Variants in AK8 observed in about 807,000 individuals in gnomAD.
AK8 encodes adenylate kinase 8, also known as ATP-AMP transphosphorylase 8.
A neutral mutation model predicts 54.6 loss-of-function variants in AK8; 44 were observed. The ratio of observed to expected loss-of-function variants is 0.81; its 90% CI spans 0.63 to 1.04. The LOEUF (loss-of-function observed/expected upper bound fraction) is 1.04. Ranked by LOEUF, AK8 falls within the 50% of genes least tolerant of loss-of-function variation. AK8 has a pLI of 0.00. For synonymous variants in AK8, 239 were observed against 245.6 expected, an observed-to-expected ratio of 0.97 and a Z score of 0.25; for missense variants, 555 against 613.6, an observed-to-expected ratio of 0.90 and a Z score of 1.01.
chr9:132,793,519 G>A (rs944262791), intron 10 of AK8, among the ~76,000 whole-genome samples: 13 of 152,108 alleles, frequency 8.5e-5, no homozygotes, highest in Non-Finnish European at 1.9e-4. Flanking sequence ...CGCTAGCAAC[G>A]CCCACTCCCC....
intron 5 of AK8, 36 bp downstream of exon 5, chr9:132,854,816 TTTATC>T (rs1564440611): frequency 6.2e-7 from 1 of 1,608,342 alleles, no homozygotes; most frequent in South Asian, 1.1e-5. Flanking sequence ...CACCCTCCCC[TTTATC>T]TTGGCACTGA....
chr9:132,839,584 G>A (rs1280321698), intron 5 of AK8, among the ~76,000 whole-genome samples: 1 of 152,172 alleles, frequency 6.6e-6, no homozygotes, highest in Non-Finnish European at 1.5e-5. Context: ...GCAGGCTCCT[G>A]CTCAGCAGCA....
chr9:132,750,038 C>T (rs1274486010), intron 11 of AK8, among the ~76,000 whole-genome samples: 2 of 147,254 alleles, frequency 1.4e-5, no homozygotes, highest in African/African-American at 5.2e-5. Flanking sequence ...TATTGAGTTT[C>T]TGCCATGTGT....
intron 11 of AK8, among the ~76,000 whole-genome samples, chr9:132,750,006 G>GACAGCACACTCCTA (rs1837833510): frequency 2.8e-5 from 4 of 145,420 alleles, no homozygotes; most frequent in African/African-American, 8.0e-5. Context: ...GCACACTCTT[G>GACAGCACACTCCTA]GAGATACTGA....
chr9:132,848,906 C>CTTTTT (rs577735065), intron 5 of AK8, among the ~76,000 whole-genome samples: 1 of 118,552 alleles, frequency 8.4e-6, no homozygotes, highest in African/African-American at 3.3e-5. Context: ...CTCCTGTTTG[C>CTTTTT]TTTTTTTTTT....
intron 11 of AK8, among the ~76,000 whole-genome samples, chr9:132,783,177 G>T (rs2809249): frequency 0.62 from 94,957 of 151,956 alleles, 30,130 homozygotes; most frequent in East Asian, 0.8. Context: ...CTTTCCCGGC[G>T]CTGGTCTCAG....
chr9:132,874,711 G>A (rs979976008), intron 2 of AK8, among the ~76,000 whole-genome samples: 2 of 152,226 alleles, frequency 1.3e-5, no homozygotes, highest in African/African-American at 4.8e-5. Flanking sequence ...GAGCTTGCCT[G>A]TCTAGGTAGA....
At chr9:132,798,129 C>A (rs1840263898) in intron 10 of AK8, among the ~76,000 whole-genome samples, 1 of 152,224 alleles carries the variant, frequency 6.6e-6, no homozygotes, top group African/African-American at 2.4e-5. Flanking sequence ...ACAGACCCCA[C>A]TGGGTGCTGC....
At chr9:132,802,542 G>A (rs984995554) in intron 10 of AK8, among the ~76,000 whole-genome samples, 1 of 152,186 alleles carries the variant, frequency 6.6e-6, no homozygotes, top group Non-Finnish European at 1.5e-5. Flanking sequence ...GAAGGCAGGT[G>A]AAGCCAGCCC....
intron 11 of AK8, among the ~76,000 whole-genome samples, chr9:132,747,889 G>A (rs1195993499): frequency 5.3e-5 from 8 of 150,814 alleles, no homozygotes; most frequent in Admixed American, 4.6e-4. Flanking sequence ...GCCGAGGCAG[G>A]GGAGTTCGAG....
intron 11 of AK8, among the ~76,000 whole-genome samples, chr9:132,734,483 C>T (rs552020393): frequency 6.6e-6 from 1 of 152,258 alleles, no homozygotes; most frequent in African/African-American, 2.4e-5. Context: ...CGCCTGTAAC[C>T]CCAGCACTGT....
intron 5 of AK8, among the ~76,000 whole-genome samples, chr9:132,840,243 C>T (rs1006360671): frequency 2.6e-5 from 4 of 152,170 alleles, no homozygotes; most frequent in Non-Finnish European, 5.9e-5. Context: ...CAAATTCCTG[C>T]TGCAGTCACA....
At chr9:132,871,114 C>T (rs762337788) in intron 2 of AK8, among the ~76,000 whole-genome samples, 6 of 152,070 alleles carry the variant, frequency 3.9e-5, no homozygotes, top group African/African-American at 1.4e-4. Flanking sequence ...GGCATGGTGG[C>T]GGGTGCCTGT....
chr9:132,793,385 C>T (rs1462819938), intron 10 of AK8, among the ~76,000 whole-genome samples: 2 of 152,170 alleles, frequency 1.3e-5, no homozygotes, highest in African/African-American at 4.8e-5. Flanking sequence ...CCATAGCAAC[C>T]ACTATGGGCC....
intron 2 of AK8, 115 bp downstream of exon 2, chr9:132,875,000 G>A (rs1844025865): frequency 1.9e-5 from 26 of 1,333,962 alleles, no homozygotes; most frequent in Non-Finnish European, 2.6e-5. Context: ...TTCTCGGGAT[G>A]GGGCAGGGTT....
intron 4 of AK8, among the ~76,000 whole-genome samples, chr9:132,856,942 T>A (rs1260781358): frequency 6.6e-6 from 1 of 152,056 alleles, no homozygotes; most frequent in Non-Finnish European, 1.5e-5. Flanking sequence ...CACTTTAAAG[T>A]TATGGGGTCA....
At chr9:132,779,331 A>C (rs894486986) in intron 11 of AK8, among the ~76,000 whole-genome samples, 4 of 152,132 alleles carry the variant, frequency 2.6e-5, no homozygotes, top group Admixed American at 2.0e-4. Flanking sequence ...GTATTTATTC[A>C]TTTTCGGAGA....
In AK8 at chr9:132,770,489, G is replaced by C. The variant is rs1402128497; in HGVS notation, c.1121+22145C>G. ...AGGGGCGAGGGGACACCCTGTGGAG[G>C]AGCGGGCTGGGAGCGCGGGGGATGC... On this transcript the variant is annotated intron_variant, in intron 11 of 12. Coordinates refer to ENST00000298545, the MANE Select transcript of AK8 (RefSeq NM_152572.3). This position sits in a 1 kb window ranked among gnomAD's most constrained non-coding sequence, Gnocchi z 4.3. 2.6e-5 allele frequency among the ~76,000 whole-genome samples: 4 copies of C among 152,318 alleles called. No individual in the cohort carries two copies. Among genetic ancestry groups the C allele is most frequent in the African/African-American group, 7.2e-5 (3 of 41,574 alleles).
At chr9:132,729,809 C>T (rs915602135) in intron 11 of AK8, among the ~76,000 whole-genome samples, 2 of 152,194 alleles carry the variant, frequency 1.3e-5, no homozygotes, top group Non-Finnish European at 2.9e-5. Context: ...AACAAACACT[C>T]CCTGTGCACC....
Sources: allele counts gnomAD v4.1 joint callset (sites outside exome capture counted in the v4.1 genomes callset), GRCh38; gene constraint gnomAD v4.1.1; non-coding constraint Gnocchi (gnomAD v3.1); transcripts MANE v1.5; gene names NCBI Gene and HGNC (gene_info 2026-07-23, HGNC 2026-07-21).